LHX8: variants seen among roughly 807,000 people sequenced by gnomAD.
The protein encoded by LHX8 is LIM homeobox 8.
Under a neutral mutation model 40.3 loss-of-function variants are expected in LHX8, and 12 were observed. That is an observed-to-expected ratio of 0.30 (90% CI 0.19 to 0.48). The LOEUF (loss-of-function observed/expected upper bound fraction) is 0.48. LHX8 is among the 20% of genes least tolerant of loss of function. LHX8 has a pLI of 0.99. For missense variants in LHX8, 344 were observed against 433.7 expected (o/e 0.79, Z 1.84); for synonymous variants, 179 against 162.0 (o/e 1.10, Z -0.80).
the LHX8 span, among the ~76,000 whole-genome samples, chr1:75,185,188 C>T: frequency 6.6e-6 from 1 of 151,870 alleles, no homozygotes; most frequent in East Asian, 1.9e-4. Flanking sequence ...CAAAGAAGAG[C>T]TGGTATTATT....
At chr1:75,130,096 G>C (rs541716550), upstream of LHX8, 8 of 155,394 alleles carry the variant, frequency 5.1e-5, no homozygotes, top group African/African-American at 7.2e-5. Context: ...GCTTGGAAAT[G>C]TCACAATGAA....
At chr1:75,176,114 T>C in the LHX8 span, among the ~76,000 whole-genome samples, 1 of 152,244 alleles carries the variant, frequency 6.6e-6, no homozygotes. Flanking sequence ...CTATTGTGAA[T>C]AGTGCCACAA....
chr1:75,189,424 C>G, the LHX8 span, among the ~76,000 whole-genome samples: 1 of 152,194 alleles, frequency 6.6e-6, no homozygotes, highest in South Asian at 2.1e-4. Flanking sequence ...ATAATTCAAG[C>G]CTTTAAGTGA....
chr1:75,150,097 G>A (rs1438364445), intron 7 of LHX8, among the ~76,000 whole-genome samples: 1 of 152,116 alleles, frequency 6.6e-6, no homozygotes. Flanking sequence ...AAACAGCCAG[G>A]CATGCTAGTG....
chr1:75,135,022 T>C, intron 1 of LHX8, 68 bp downstream of exon 1: 1 of 769,576 alleles, frequency 1.3e-6, no homozygotes, highest in Non-Finnish European at 1.6e-6. Flanking sequence ...TCGGGAGGAC[T>C]GGGCGGCTGT....
In LHX8 at chr1:75,150,104, A is replaced by G. The variant is rs370728683; in HGVS notation, c.780+1422A>G. Among the ~76,000 whole-genome samples, 13 of 152,206 alleles carry G rather than the reference A, an allele frequency of 8.5e-5. No individual in the cohort carries two copies. In the East Asian group the frequency reaches 1.9e-3, roughly 23 times the overall value. ...AGGAAAAAAAACAGCCAGGCATGCT[A>G]GTGTGTACCTGCAGTCCCAGCTACT... On this transcript the variant is annotated intron_variant, in intron 7 of 8. Coordinates refer to ENST00000356261, the MANE Select transcript of LHX8 (RefSeq NM_001256114.2).
intron 7 of LHX8, among the ~76,000 whole-genome samples, chr1:75,156,190 TG>T (rs1648759260): frequency 6.7e-6 from 1 of 148,254 alleles, no homozygotes; most frequent in Non-Finnish European, 1.5e-5. Flanking sequence ...ATGGAGTTTT[TG>T]GGGTACTTTT....
the LHX8 span, among the ~76,000 whole-genome samples, chr1:75,192,873 A>G: frequency 1.3e-5 from 2 of 151,960 alleles, no homozygotes; most frequent in South Asian, 2.1e-4. Flanking sequence ...TTGTATTTTT[A>G]GTAGAGACGG....
At chr1:75,128,879 T>C (rs1647892300) in intron 1 of LHX8, among the ~76,000 whole-genome samples, 1 of 152,196 alleles carries the variant, frequency 6.6e-6, no homozygotes. Context: ...TGCACTCATC[T>C]CTGGAGCCTC....
chr1:75,128,544 C>T (rs973104637), exon 1 of LHX8: 2 of 152,186 alleles, frequency 1.3e-5, no homozygotes, highest in Non-Finnish European at 2.9e-5. Flanking sequence ...AGGACAAACA[C>T]CGCAAAGTAG....
chr1:75,196,665 A>G, the LHX8 span, among the ~76,000 whole-genome samples: 3 of 152,200 alleles, frequency 2.0e-5, no homozygotes, highest in Non-Finnish European at 4.4e-5. Flanking sequence ...CAATATTAAG[A>G]TAATTTTGGT....
rs35282262 is a variant in LHX8, at chr1:75,150,681, C to CT, written c.780+2015dup. Among the ~76,000 whole-genome samples, 403 of 135,124 alleles carry CT rather than the reference C, an allele frequency of 3.0e-3. 2 individuals are homozygous for CT. Among genetic ancestry groups the CT allele is most frequent in the South Asian group, 9.9e-3 (40 of 4,060 alleles). 88.6% of individuals were successfully genotyped at this position (135,124 alleles called of 152,430 possible). A position where few individuals can be genotyped will look rare whatever the true frequency, so the allele number is the denominator to read the frequency against. ...AGGGAAATGGAAAATAATTTTATTT[C>CT]TTTTTTTTTTTTTTTTCGAGACAGA... On this transcript the variant is annotated intron_variant, in intron 7 of 8. Coordinates refer to ENST00000356261, the MANE Select transcript of LHX8 (RefSeq NM_001256114.2).
the LHX8 span, among the ~76,000 whole-genome samples, chr1:75,186,627 G>A: frequency 1.3e-5 from 2 of 152,122 alleles, no homozygotes; most frequent in African/African-American, 4.8e-5. Flanking sequence ...CCTTGTCACA[G>A]GTGTCACCAC....
Position 75,141,236 on chromosome 1 carries a change from A to G in LHX8, c.359+130A>G, listed in dbSNP as rs1418822008. 5.3e-6 allele frequency: 5 copies of G among 943,768 alleles called. No individual in the cohort carries two copies. In the African/African-American group the frequency reaches 6.7e-5, roughly 13 times the overall value. 58.5% of individuals were successfully genotyped at this position (943,768 alleles called of 1,614,324 possible). On this transcript the variant is annotated intron_variant, in intron 4 of 8. Transcript: ENST00000356261. The stretch of plus-strand genomic sequence containing the variant: ...TTTTTCTTATTTAAGAGATTTCAAA[A>G]TGAGGGTGCTTTCCTGTTTGAGATA...
intron 7 of LHX8, among the ~76,000 whole-genome samples, chr1:75,153,844 T>G (rs1648682790): frequency 6.6e-6 from 1 of 152,218 alleles, no homozygotes; most frequent in African/African-American, 2.4e-5. Flanking sequence ...AGATAGGGTT[T>G]TATCTATTTT....
intron 1 of LHX8, among the ~76,000 whole-genome samples, chr1:75,128,931 C>T (rs555629364): frequency 3.9e-5 from 6 of 152,242 alleles, no homozygotes; most frequent in Middle Eastern, 3.4e-3. Flanking sequence ...ACCCTCTGAA[C>T]CCCTAGAAGT....
At chr1:75,130,601 A>G, upstream of LHX8, 3 of 987,168 alleles carry the variant, frequency 3.0e-6, no homozygotes, top group South Asian at 3.8e-5. Flanking sequence ...TGGCGTGAAT[A>G]AAAGCACCCC....
At chr1:75,189,994 A>T in the LHX8 span, among the ~76,000 whole-genome samples, 1 of 152,340 alleles carries the variant, frequency 6.6e-6, no homozygotes, top group African/African-American at 2.4e-5. Context: ...GATAAATATG[A>T]TATGGCCCCT....
In LHX8 at chr1:75,145,511, G is replaced by C. The variant is rs567706002; in HGVS notation, c.684+1563G>C. On this transcript the variant is annotated intron_variant, in intron 6 of 8. Transcript: ENST00000356261. ...ATTAAATAAAATGGGAATAATATTT[G>C]TGGAGGTCTTTTTATGCCAAATCCT... Among the ~76,000 whole-genome samples the C allele has an allele frequency of 6.6e-5, 10 of 152,244 alleles. No homozygotes were observed. In the South Asian group the frequency reaches 1.9e-3, roughly 28 times the overall value.
Sources: gnomAD v4.1 joint callset for allele counts (sites outside exome capture counted in the v4.1 genomes callset) on GRCh38, gnomAD v4.1.1 for gene constraint, MANE v1.5 for transcripts, NCBI Gene and HGNC (gene_info 2026-07-23, HGNC 2026-07-21) for gene names.